CENPU: variants seen among roughly 807,000 people sequenced by gnomAD.
The protein encoded by CENPU is KSHV latent nuclear antigen interacting protein 1.
In CENPU, 46 loss-of-function variants were observed where a neutral mutation model predicts 56.7. The ratio of observed to expected loss-of-function variants is 0.81; its 90% CI spans 0.64 to 1.04. The LOEUF is 1.04. Among genes scored for constraint, CENPU ranks in the 50% least tolerant of loss-of-function variants. The probability of loss-of-function intolerance (pLI) is 0.00; values close to 1 mark genes in which losing one functional copy is unlikely to be tolerated. For missense variants in CENPU, 510 were observed against 490.1 expected (o/e 1.04, Z -0.38); for synonymous variants, 166 against 163.0 (o/e 1.02, Z -0.14).
intron 8 of CENPU, among the ~76,000 whole-genome samples, chr4:184,705,544 T>C (rs1032597228): frequency 2.0e-5 from 3 of 151,812 alleles, no homozygotes; most frequent in Non-Finnish European, 4.4e-5. Context: ...CAACTGCACG[T>C]GATTCTACAA....
chr4:184,730,413 G>C (rs1422659900), intron 2 of CENPU, among the ~76,000 whole-genome samples: 3 of 151,638 alleles, frequency 2.0e-5, no homozygotes, highest in African/African-American at 7.3e-5. Flanking sequence ...TCCTTCCGGG[G>C]TGCCTGGCAC....
Position 184,729,020 on chromosome 4 carries a change from A to G in CENPU, c.112T>C (p.Cys38Arg), listed in dbSNP as rs1473680867. Residue 38 changes from cysteine to arginine, a missense_variant, in exon 3 of 13, where the codon TGC becomes CGC. By Grantham distance (180) the Cys-to-Arg change is radical. Coordinates refer to ENST00000281453, the MANE Select transcript of CENPU (RefSeq NM_024629.4). ...HSMKDKAGQK[C>R]KPIDVFDFPD... The stretch of plus-strand genomic sequence containing the variant: ...AAGTCGAACACGTCAATAGGCTTGC[A>G]CTTTTGACCAGCTTTCTAAAAGTGA... The G allele has an allele frequency of 4.3e-6, 7 of 1,613,080 alleles. No homozygotes were observed. In the South Asian group the frequency reaches 7.7e-5, roughly 18 times the overall value.
chr4:184,707,578 G>T (rs1760770431), intron 8 of CENPU, among the ~76,000 whole-genome samples: 1 of 152,192 alleles, frequency 6.6e-6, no homozygotes, highest in Admixed American at 6.5e-5. Flanking sequence ...AGGGCGAGGA[G>T]TGAAGTGCTG....
chr4:184,724,837 A>C, intron 4 of CENPU, 120 bp downstream of exon 4: 2 of 612,392 alleles, frequency 3.3e-6, no homozygotes. Flanking sequence ...CTTGAGAAAA[A>C]GCATAACAAG....
chr4:184,705,117 T>C (rs1039136028), intron 8 of CENPU, among the ~76,000 whole-genome samples: 1 of 152,010 alleles, frequency 6.6e-6, no homozygotes, highest in Non-Finnish European at 1.5e-5. Flanking sequence ...CAAAAAAAAA[T>C]GTATCCAAAT....
chr4:184,698,738 G>A (rs558005036), intron 11 of CENPU, among the ~76,000 whole-genome samples: 130 of 152,242 alleles, frequency 8.5e-4, no homozygotes, highest in African/African-American at 2.9e-3. Context: ...CGTGAGCCAG[G>A]AAAAGTCTTC....
rs778905221 is a variant in CENPU at position 184,694,490 on chromosome 4, C to T, written c.*798G>A. Reference sequence around the variant, plus strand: ...TATCCTGAGTAAATATTTTCCTATCCCACTCTCTATCCCTTCACCACTGAA... The same window carrying T: ...TATCCTGAGTAAATATTTTCCTATCTCACTCTCTATCCCTTCACCACTGAA... On this transcript the variant is annotated 3_prime_UTR_variant, in exon 13 of 13. Coordinates refer to ENST00000281453, the MANE Select transcript of CENPU (RefSeq NM_024629.4). 13 of 1,595,294 alleles carry T rather than the reference C, an allele frequency of 8.1e-6. No individual in the cohort carries two copies. The South Asian group carries it at 1.4e-4, about 18-fold the overall frequency.
chr4:184,724,902 T>A (rs1326804271), intron 4 of CENPU, 55 bp downstream of exon 4: 3 of 1,157,722 alleles, frequency 2.6e-6, no homozygotes, highest in Non-Finnish European at 3.8e-6. Context: ...TCTTAAAGAG[T>A]TTCTCAGAAA....
At chr4:184,710,397 C>G (rs1325230152) in intron 7 of CENPU, 1 of 365,598 alleles carries the variant, frequency 2.7e-6, no homozygotes, top group Non-Finnish European at 4.9e-6. Context: ...CGCTGGTTCT[C>G]CTATTTCTGC....
intron 4 of CENPU, among the ~76,000 whole-genome samples, chr4:184,721,449 G>A (rs1252572259): frequency 1.1e-5 from 1 of 92,414 alleles, no homozygotes; most frequent in African/African-American, 4.9e-5. Flanking sequence ...ACATAGAGTG[G>A]CTGATTGTAA....
intron 11 of CENPU, chr4:184,698,037 T>C (rs1760400262): frequency 4.7e-6 from 2 of 423,006 alleles, no homozygotes. Flanking sequence ...CACAGAAGAA[T>C]ATTCCTTATA....
At chr4:184,716,762 G>A (rs1174426678) in intron 5 of CENPU, 129 bp from the exon 6 acceptor site, 7 of 716,100 alleles carry the variant, frequency 9.8e-6, no homozygotes, top group Non-Finnish European at 1.4e-5. Context: ...GAACATAATA[G>A]GAAGACGGCA....
In CENPU at chr4:184,702,013, CCA is replaced by C. The variant is rs1760549796; in HGVS notation, c.924+74_924+75del. 8.5e-6 allele frequency: 8 copies of C among 940,512 alleles called. No individual in the cohort carries two copies. The East Asian group carries it at 2.0e-4, about 23-fold the overall frequency. The allele number at this position is 940,512 out of a possible 1,614,324, so 58.3% of individuals were successfully genotyped here. The stretch of plus-strand genomic sequence containing the variant: ...TACTCACACTCTAAAGGCTGTAAAC[CCA>C]GAGTCAAGTCTTCGCATAACTCTAC... On this transcript the variant is annotated intron_variant, in intron 10 of 12. Transcript: ENST00000281453.
intron 11 of CENPU, among the ~76,000 whole-genome samples, chr4:184,699,331 A>AAAATAAAT (rs536080864): frequency 6.0e-5 from 9 of 149,654 alleles, no homozygotes; most frequent in African/African-American, 1.3e-4. Flanking sequence ...CTCCGTCTCA[A>AAAATAAAT]AAATAAATAA....
chr4:184,694,204 C>G lies in CENPU; in HGVS notation c.*1084G>C. 1 of 1,054,604 alleles carries G rather than the reference C, an allele frequency of 9.5e-7. No homozygotes were observed. The highest frequency in any genetic ancestry group is 1.1e-6 in the Non-Finnish European group (1 of 873,500). 65.3% of individuals were successfully genotyped at this position (1,054,604 alleles called of 1,614,324 possible). A position where few individuals can be genotyped will look rare whatever the true frequency, so the allele number is the denominator to read the frequency against. ...ATAGCAAATTTATCTTCTGATTTGT[C>G]TTCAGCTGGACTGTCCACTTGTTAA... On this transcript the variant is annotated 3_prime_UTR_variant, in exon 13 of 13. Transcript: ENST00000281453.
At chr4:184,733,083 A>G (rs140074184) in intron 1 of CENPU, among the ~76,000 whole-genome samples, 1,533 of 152,330 alleles carry the variant, frequency 0.01, 8 homozygotes, top group Non-Finnish European at 0.018. Flanking sequence ...AAAAATGTTA[A>G]AAGATAAAAA....
chr4:184,719,626 T>G (rs1295100471), intron 4 of CENPU, among the ~76,000 whole-genome samples: 2 of 152,148 alleles, frequency 1.3e-5, no homozygotes, highest in Admixed American at 6.5e-5. Context: ...GCCAGTGGAC[T>G]GTAGGGGCAT....
At position 184,715,625 on chromosome 4, in the gene CENPU, T is replaced by C. The variant is rs547625307; in HGVS notation, c.618+772A>G. On this transcript the variant is annotated intron_variant, in intron 6 of 12. Transcript: ENST00000281453. ...ACCGTGCCCGCCTAAGACCCAGAAT[T>C]CTTATCAGCAGTTTTTTTCTAAGGA... Among the ~76,000 whole-genome samples, 80 of 152,276 alleles carry C rather than the reference T, an allele frequency of 5.3e-4. 1 individual carries two copies. The highest frequency in any genetic ancestry group is 1.7e-3 in the African/African-American group (71 of 41,554).
chr4:184,694,102 A>T lies in CENPU; in HGVS notation c.*1186T>A. The T allele has an allele frequency of 4.6e-6, 2 of 430,382 alleles. No individual in the cohort carries two copies. The highest frequency in any genetic ancestry group is 6.2e-6 in the Non-Finnish European group (2 of 322,976). The allele number at this position is 430,382 out of a possible 1,614,324, so 26.7% of individuals were successfully genotyped here. ...CAGTCATATTTTGGCAACTGTTTTT[A>T]ATCTTTTTTCAATCCATGTTTACGA... On this transcript the variant is annotated 3_prime_UTR_variant, in exon 13 of 13. Coordinates refer to ENST00000281453, the MANE Select transcript of CENPU (RefSeq NM_024629.4).
Sources: allele counts gnomAD v4.1 joint callset (sites outside exome capture counted in the v4.1 genomes callset), GRCh38; gene constraint gnomAD v4.1.1; transcripts MANE v1.5; gene names NCBI Gene and HGNC (gene_info 2026-07-23, HGNC 2026-07-21).